LRRC8B: variants seen among roughly 807,000 people sequenced by gnomAD.
LRRC8B encodes the protein leucine rich repeat containing 8 VRAC subunit B, also known as volume-regulated anion channel subunit LRRC8B.
In LRRC8B, 23 loss-of-function variants were observed where a neutral mutation model predicts 58.8. That is an observed-to-expected ratio of 0.39 (90% CI 0.28 to 0.55). The LOEUF is 0.55. LRRC8B is among the 20% of genes least tolerant of loss of function. The probability of loss-of-function intolerance (pLI) is 0.62; values close to 1 mark genes in which losing one functional copy is unlikely to be tolerated. For missense variants in LRRC8B, 694 were observed against 936.0 expected, an observed-to-expected ratio of 0.74 and a Z score of 3.37; for synonymous variants, 359 against 374.1, an observed-to-expected ratio of 0.96 and a Z score of 0.47.
At chr1:89,571,836 A>G (rs1261570278) in intron 3 of LRRC8B, among the ~76,000 whole-genome samples, 3 of 151,044 alleles carry the variant, frequency 2.0e-5, no homozygotes, top group African/African-American at 4.9e-5. Context: ...GATCAATTTT[A>G]GAGTTTGTAC....
intron 5 of LRRC8B, among the ~76,000 whole-genome samples, chr1:89,590,484 G>A (rs998666261): frequency 6.6e-5 from 10 of 152,232 alleles, no homozygotes; most frequent in African/African-American, 1.4e-4. Flanking sequence ...CATAGCCAGC[G>A]CAGCCCTTGA....
At chr1:89,566,160 A>G (rs1488162136) in intron 1 of LRRC8B, among the ~76,000 whole-genome samples, 1 of 152,206 alleles carries the variant, frequency 6.6e-6, no homozygotes, top group Non-Finnish European at 1.5e-5. Context: ...CCAATAAATG[A>G]GATACTGCCC....
At chr1:89,533,463 C>T (rs540033041) in intron 1 of LRRC8B, among the ~76,000 whole-genome samples, 3 of 152,282 alleles carry the variant, frequency 2.0e-5, no homozygotes, top group East Asian at 3.9e-4. Flanking sequence ...GGCTTCATTC[C>T]GTAGCTTTGT....
intron 1 of LRRC8B, among the ~76,000 whole-genome samples, chr1:89,528,630 C>T (rs773710215): frequency 2.0e-5 from 3 of 152,190 alleles, no homozygotes; most frequent in Non-Finnish European, 4.4e-5. Context: ...ATGCTTGTTT[C>T]TCTTTCACAT....
At chr1:89,586,258 T>A (rs1462372760) in intron 5 of LRRC8B, among the ~76,000 whole-genome samples, 3 of 152,172 alleles carry the variant, frequency 2.0e-5, no homozygotes, top group Non-Finnish European at 4.4e-5. Context: ...CAGGTGGAGC[T>A]GATGATGCTG....
chr1:89,547,995 T>C (rs995216849), intron 1 of LRRC8B, among the ~76,000 whole-genome samples: 9 of 151,692 alleles, frequency 5.9e-5, no homozygotes, highest in African/African-American at 2.2e-4. Context: ...AAAGGAGTGC[T>C]GTCAAGTGAA....
At chr1:89,536,721 C>T (rs1461525748) in intron 1 of LRRC8B, among the ~76,000 whole-genome samples, 1 of 152,110 alleles carries the variant, frequency 6.6e-6, no homozygotes, top group East Asian at 1.9e-4. Flanking sequence ...AGGTAGTATA[C>T]AATCAGGGAC....
In LRRC8B at chr1:89,583,730, T is replaced by A. The variant is rs1234964045; in HGVS notation, c.1080T>A (p.Pro360=). The change falls in exon 5 of 6, where the codon CCT becomes CCA. Residue 360 remains proline (P), a synonymous_variant. Transcript: ENST00000330947. The surrounding 1 kb of genome is among the most constrained non-coding windows in gnomAD (Gnocchi z 5.2). The part of the protein sequence containing the change: ...LREKSNYSDI[P]DVKNDFAFIL... Reference sequence around the variant, plus strand: ...AAAAAAGCAACTACAGTGACATCCCTGATGTCAAGAATGACTTTGCCTTCA... The same window carrying A: ...AAAAAAGCAACTACAGTGACATCCCAGATGTCAAGAATGACTTTGCCTTCA... 12 of 1,613,524 alleles carry A rather than the reference T, an allele frequency of 7.4e-6. No homozygotes were observed. Among genetic ancestry groups the A allele is most frequent in the Admixed American group, 1.7e-5 (1 of 60,006 alleles).
At chr1:89,592,428 TG>T (rs1193088029) in intron 5 of LRRC8B, among the ~76,000 whole-genome samples, 1 of 152,240 alleles carries the variant, frequency 6.6e-6, no homozygotes, top group East Asian at 1.9e-4. Context: ...AGAGTAATTA[TG>T]ATTTTTCTTA....
intron 1 of LRRC8B, among the ~76,000 whole-genome samples, chr1:89,552,957 T>A (rs1651930601): frequency 6.6e-6 from 1 of 152,246 alleles, no homozygotes; most frequent in South Asian, 2.1e-4. Context: ...CCAATTGTGT[T>A]CTTTCATTTT....
chr1:89,594,841 A>G lies in LRRC8B; in HGVS notation c.*1798A>G, dbSNP rs1165159066. On this transcript the variant is annotated 3_prime_UTR_variant, in exon 6 of 6. Coordinates refer to ENST00000330947, the MANE Select transcript of LRRC8B (RefSeq NM_001369817.2). Reference sequence around the variant, plus strand: ...CTCTTCATTTTGGATATAACTATGAAGAAATCTATTAACTGCACCTACACA... The same window carrying G: ...CTCTTCATTTTGGATATAACTATGAGGAAATCTATTAACTGCACCTACACA... The G allele has an allele frequency of 6.6e-6, 1 of 152,186 alleles. No homozygotes were observed. The highest frequency in any genetic ancestry group is 1.9e-4 in the East Asian group (1 of 5,200). The allele number at this position is 152,186 out of a possible 1,614,324, so 9.4% of individuals were successfully genotyped here. A position where few individuals can be genotyped will look rare whatever the true frequency, so the allele number is the denominator to read the frequency against.
intron 3 of LRRC8B, chr1:89,572,695 G>A (rs1177971273): frequency 2.6e-5 from 4 of 152,156 alleles, no homozygotes; most frequent in African/African-American, 4.8e-5. Flanking sequence ...GTGTTGGGGG[G>A]TGGTCAGGAA....
At chr1:89,558,877 C>G (rs1051300201) in intron 1 of LRRC8B, 6 of 152,160 alleles carry the variant, frequency 3.9e-5, no homozygotes, top group Non-Finnish European at 7.3e-5. Context: ...TCCTCATAGC[C>G]TAATCACCTC....
At chr1:89,543,479 A>G (rs1651172304) in intron 1 of LRRC8B, among the ~76,000 whole-genome samples, 1 of 151,936 alleles carries the variant, frequency 6.6e-6, no homozygotes. Context: ...TTCTAATATT[A>G]TCTAAGTTTT....
intron 1 of LRRC8B, among the ~76,000 whole-genome samples, chr1:89,545,581 G>T (rs1403402573): frequency 6.6e-6 from 1 of 152,174 alleles, no homozygotes; most frequent in Non-Finnish European, 1.5e-5. Flanking sequence ...GAATAAAATT[G>T]TTGTGTCAAA....
chr1:89,533,651 A>G (rs528014786), intron 1 of LRRC8B, among the ~76,000 whole-genome samples: 1 of 152,314 alleles, frequency 6.6e-6, no homozygotes, highest in African/African-American at 2.4e-5. Context: ...TACCTAGGCT[A>G]GAGAACAGCT....
intron 1 of LRRC8B, among the ~76,000 whole-genome samples, chr1:89,550,560 A>C (rs1053748620): frequency 2.0e-5 from 3 of 152,202 alleles, no homozygotes; most frequent in Non-Finnish European, 4.4e-5. Flanking sequence ...ACCTTTAATA[A>C]AGCATAAAAG....
chr1:89,583,896 A>C lies in LRRC8B; in HGVS notation c.1246A>C (p.Lys416Gln). 1 of 1,614,220 alleles carries C rather than the reference A, an allele frequency of 6.2e-7. No homozygotes were observed. Among genetic ancestry groups the C allele is most frequent in the Non-Finnish European group, 8.5e-7 (1 of 1,180,014 alleles). ...TVEKLKSKLV[K>Q]NAQDKIELHL... ...TGAGAAACTGAAAAGTAAGCTTGTGAAAAATGCCCAGGACAAGATAGAACT... is the reference window on the plus strand; with the variant it reads ...TGAGAAACTGAAAAGTAAGCTTGTGCAAAATGCCCAGGACAAGATAGAACT... The change falls in exon 5 of 6, where the codon AAA becomes CAA. Residue 416 changes from lysine to glutamine, a missense_variant. Lys to Gln is a moderately conservative substitution (Grantham distance 53, BLOSUM62 1). Around this residue, in one of 5 missense-constraint regions of LRRC8B, gnomAD observed 162 missense variants for 198.5 expected, o/e 0.82. Coordinates refer to ENST00000330947, the MANE Select transcript of LRRC8B (RefSeq NM_001369817.2). This position sits in a 1 kb window ranked among gnomAD's most constrained non-coding sequence, Gnocchi z 5.2.
chr1:89,568,911 T>G (rs1231776638), intron 3 of LRRC8B, among the ~76,000 whole-genome samples: 1 of 152,198 alleles, frequency 6.6e-6, no homozygotes, highest in African/African-American at 2.4e-5. Flanking sequence ...ATACTTCTAT[T>G]AAGTAAAAGA....
Sources: allele counts gnomAD v4.1 joint callset (sites outside exome capture counted in the v4.1 genomes callset), GRCh38; gene constraint gnomAD v4.1.1; regional missense constraint gnomAD v4.1.1; non-coding constraint Gnocchi (gnomAD v3.1); transcripts MANE v1.5; gene names NCBI Gene and HGNC (gene_info 2026-07-23, HGNC 2026-07-21).